The following DMC1 variants were observed in gnomAD, a reference collection of about 807,000 sequenced individuals.
The protein encoded by DMC1 is DNA meiotic recombinase 1.
In DMC1, 27 loss-of-function variants were observed where a neutral mutation model predicts 50.1. The ratio of observed to expected loss-of-function variants is 0.54; its 90% CI spans 0.40 to 0.74. The LOEUF (loss-of-function observed/expected upper bound fraction) is 0.74, where lower values mean the gene tolerates loss of function less well. Among genes scored for constraint, DMC1 ranks in the 30% least tolerant of loss-of-function variants. DMC1 has a pLI of 0.00. For missense variants in DMC1, 295 were observed against 420.2 expected (o/e 0.70, Z 2.60); for synonymous variants, 148 against 136.1 (o/e 1.09, Z -0.61).
intron 8 of DMC1, among the ~76,000 whole-genome samples, chr22:38,547,005 A>T (rs536898559): frequency 6.6e-5 from 10 of 152,378 alleles, no homozygotes; most frequent in African/African-American, 2.4e-4. Flanking sequence ...AACCATAATG[A>T]ACAAAGAAAA....
intron 5 of DMC1, among the ~76,000 whole-genome samples, chr22:38,559,591 AG>A (rs1250770721): frequency 6.6e-6 from 1 of 152,202 alleles, no homozygotes; most frequent in Non-Finnish European, 1.5e-5. Flanking sequence ...TCATTCATTT[AG>A]TCATTCAACA....
intron 4 of DMC1, among the ~76,000 whole-genome samples, chr22:38,564,705 A>G (rs182840158): frequency 6.6e-6 from 1 of 152,230 alleles, no homozygotes; most frequent in Admixed American, 6.5e-5. Flanking sequence ...GTGCTTGAGA[A>G]AGAGAGAGGT....
At chr22:38,523,867 A>G (rs563251771) in intron 12 of DMC1, among the ~76,000 whole-genome samples, 1 of 152,334 alleles carries the variant, frequency 6.6e-6, no homozygotes, top group South Asian at 2.1e-4. Flanking sequence ...CACAGAAGTT[A>G]AGAAAAAATA....
intron 12 of DMC1, among the ~76,000 whole-genome samples, chr22:38,528,130 C>T (rs2090114150): frequency 1.3e-5 from 2 of 149,130 alleles, no homozygotes; most frequent in South Asian, 4.3e-4. Context: ...GGCATGATCT[C>T]GGCTCATTGC....
At chr22:38,530,463 C>CT (rs1569155765) in intron 12 of DMC1, among the ~76,000 whole-genome samples, 2 of 151,874 alleles carry the variant, frequency 1.3e-5, no homozygotes, top group South Asian at 4.2e-4. Flanking sequence ...ATTCTGGGTT[C>CT]TTTTTTGCGG....
rs547110224 is a variant in DMC1, at chr22:38,537,398, G to C, written c.836+194C>G. On this transcript the variant is annotated intron_variant, in intron 12 of 13. Transcript: ENST00000216024. Reference sequence around the variant, plus strand: ...CCGGCTAATCTCTGTATTTTTAGTAGAGACGGGGTTTCACTATGTTAGTCA... The same window carrying C: ...CCGGCTAATCTCTGTATTTTTAGTACAGACGGGGTTTCACTATGTTAGTCA... Among the ~76,000 whole-genome samples the C allele has an allele frequency of 2.0e-5, 3 of 152,094 alleles. No individual in the cohort carries two copies. The East Asian group carries it at 5.8e-4, about 29-fold the overall frequency.
chr22:38,516,122 G>C (rs1212341740), downstream of DMC1, among the ~76,000 whole-genome samples: 2 of 152,166 alleles, frequency 1.3e-5, no homozygotes, highest in Admixed American at 1.3e-4. Flanking sequence ...AGTGGGCACT[G>C]GTGATTTTCC....
At position 38,562,342 on chromosome 22, in the gene DMC1, A is replaced by G; in HGVS notation, c.271T>C (p.Tyr91His). The change falls in exon 5 of 14, where the codon TAT becomes CAT. Residue 91 changes from tyrosine to histidine, a missense_variant. Coordinates refer to ENST00000216024, the MANE Select transcript of DMC1 (RefSeq NM_007068.4). Reference sequence around the variant, plus strand: ...AAAACCATTTTCCTCTTTTCACTATACTCAAATGCAGTCAAGAATCCTGGT... The same window carrying G: ...AAAACCATTTTCCTCTTTTCACTATGCTCAAATGCAGTCAAGAATCCTGGT... ...IEPGFLTAFE[Y>H]SEKRKMVFHI... 1 of 1,612,412 alleles carries G rather than the reference A, an allele frequency of 6.2e-7. No individual in the cohort carries two copies. Among genetic ancestry groups the G allele is most frequent in the East Asian group, 2.2e-5 (1 of 44,776 alleles).
chr22:38,513,647 G>A, the DMC1 span, among the ~76,000 whole-genome samples: 11 of 151,640 alleles, frequency 7.3e-5, no homozygotes, highest in Non-Finnish European at 1.3e-4. Flanking sequence ...GCACCATCTC[G>A]GCTCACTGCA....
intron 2 of DMC1, 78 bp from the exon 3 acceptor site, chr22:38,567,705 CA>C: frequency 9.2e-7 from 1 of 1,085,398 alleles, no homozygotes. Context: ...AGAGGTAATT[CA>C]ATACTATGAG....
chr22:38,535,593 A>G (rs1335553513), intron 12 of DMC1, among the ~76,000 whole-genome samples: 1 of 151,624 alleles, frequency 6.6e-6, no homozygotes, highest in Non-Finnish European at 1.5e-5. Flanking sequence ...CTAAATAAAA[A>G]CCTTTAAAAA....
At chr22:38,531,973 TTTGCC>T (rs2090156780) in intron 12 of DMC1, among the ~76,000 whole-genome samples, 1 of 152,190 alleles carries the variant, frequency 6.6e-6, no homozygotes, top group Non-Finnish European at 1.5e-5. Flanking sequence ...GCTGATTTCC[TTTGCC>T]TTCTAACTCT....
At chr22:38,516,830 T>G (rs1398366271), downstream of DMC1, among the ~76,000 whole-genome samples, 1 of 152,132 alleles carries the variant, frequency 6.6e-6, no homozygotes, top group African/African-American at 2.4e-5. Flanking sequence ...TTTCTTTTTC[T>G]TTATTTTTCT....
chr22:38,564,235 C>G (rs764553740), intron 4 of DMC1, among the ~76,000 whole-genome samples: 17 of 152,200 alleles, frequency 1.1e-4, no homozygotes, highest in Non-Finnish European at 2.2e-4. Flanking sequence ...ACTTCAGAAG[C>G]AGAGGCAGGA....
At chr22:38,520,110 A>G (rs1433823230) in intron 13 of DMC1, 21 bp from the exon 14 acceptor site, 1 of 1,597,512 alleles carries the variant, frequency 6.3e-7, no homozygotes, top group Admixed American at 1.7e-5. Flanking sequence ...ACAAGGGAAC[A>G]GAAGTTTATA....
intron 8 of DMC1, among the ~76,000 whole-genome samples, chr22:38,542,568 CAG>C (rs920677736): frequency 8.5e-5 from 13 of 152,190 alleles, no homozygotes; most frequent in Non-Finnish European, 1.3e-4. Context: ...ACACAAAAAA[CAG>C]AAAGATATTG....
intron 4 of DMC1, among the ~76,000 whole-genome samples, chr22:38,563,702 ATT>A (rs771535595): frequency 3.5e-5 from 5 of 142,504 alleles, no homozygotes; most frequent in Non-Finnish European, 6.2e-5. Flanking sequence ...ATCTCCACAA[ATT>A]TTTTTTTTTT....
chr22:38,514,829 G>T (rs1320135296), downstream of DMC1, among the ~76,000 whole-genome samples: 2 of 152,026 alleles, frequency 1.3e-5, no homozygotes, highest in African/African-American at 4.8e-5. Flanking sequence ...TCCTTTCCTG[G>T]AAAATTCATG....
At chr22:38,514,076 G>C (rs1201543316), downstream of DMC1, among the ~76,000 whole-genome samples, 1 of 152,074 alleles carries the variant, frequency 6.6e-6, no homozygotes, top group African/African-American at 2.4e-5. Flanking sequence ...ACCTGTGGCT[G>C]AAGTCAGCTC....
Sources: gnomAD v4.1 joint callset for allele counts (sites outside exome capture counted in the v4.1 genomes callset) on GRCh38, gnomAD v4.1.1 for gene constraint, MANE v1.5 for transcripts, NCBI Gene and HGNC (gene_info 2026-07-23, HGNC 2026-07-21) for gene names.